The following PDZD2 variants were observed in gnomAD, a reference collection of about 807,000 sequenced individuals.
The protein encoded by PDZD2 is PDZ domain containing 2.
A neutral mutation model predicts 220.7 loss-of-function variants in PDZD2; 90 were observed. The ratio of observed to expected loss-of-function variants is 0.41; its 90% CI spans 0.34 to 0.49. PDZD2 has a LOEUF of 0.49. Ranked by LOEUF, PDZD2 falls within the 20% of genes least tolerant of loss-of-function variation. The pLI is 0.28. For synonymous variants in PDZD2, 1,375 were observed against 1,450.5 expected, an observed-to-expected ratio of 0.95 and a Z score of 1.18; for missense variants, 3,174 against 3,608.5, an observed-to-expected ratio of 0.88 and a Z score of 3.08.
At chr5:31,995,084 GC>G (rs1751522282) in intron 3 of PDZD2, among the ~76,000 whole-genome samples, 1 of 152,146 alleles carries the variant, frequency 6.6e-6, no homozygotes, top group Non-Finnish European at 1.5e-5. Flanking sequence ...TTAATTAGTA[GC>G]TGTGCAGAAG....
At chr5:32,056,024 A>G (rs1739054009) in intron 10 of PDZD2, among the ~76,000 whole-genome samples, 1 of 152,234 alleles carries the variant, frequency 6.6e-6, no homozygotes, top group African/African-American at 2.4e-5. Context: ...ATATGTGTTC[A>G]TTTACAAGAA....
chr5:31,799,162 C>T lies in PDZD2; in HGVS notation c.-87C>T. 1 of 822,608 alleles carries T rather than the reference C, an allele frequency of 1.2e-6. No individual in the cohort carries two copies. Among genetic ancestry groups the T allele is most frequent in the Non-Finnish European group, 1.9e-6 (1 of 520,876 alleles). The allele number at this position is 822,608 out of a possible 1,614,324, so 51.0% of individuals were successfully genotyped here. A position where few individuals can be genotyped will look rare whatever the true frequency, so the allele number is the denominator to read the frequency against. On this transcript the variant is annotated 5_prime_UTR_variant, in exon 2 of 25. The change creates a premature stop within an existing upstream ORF in the 5' untranslated region. Transcript: ENST00000438447. ...GAACACAGGCAAAGCTGATGATGGC[C>T]AGGGACCCCAGGGGACGTGGGGCCC...
chr5:31,731,158 G>A (rs1749515266), intron 1 of PDZD2, among the ~76,000 whole-genome samples: 1 of 152,070 alleles, frequency 6.6e-6, no homozygotes, highest in Non-Finnish European at 1.5e-5. Context: ...CAGGGTGTCT[G>A]GTATTTTTGT....
intron 24 of PDZD2, chr5:32,103,854 A>G (rs986656991): frequency 1.3e-5 from 2 of 152,352 alleles, no homozygotes; most frequent in African/African-American, 4.8e-5. Context: ...AGGAGAGATG[A>G]CATCCTTCAG....
At chr5:32,055,258 G>A (rs536924811) in intron 10 of PDZD2, among the ~76,000 whole-genome samples, 5 of 152,248 alleles carry the variant, frequency 3.3e-5, no homozygotes, top group South Asian at 4.1e-4. Flanking sequence ...CTGGAGTGCA[G>A]TGGTGTGATC....
chr5:31,895,991 G>A (rs1302212368), intron 2 of PDZD2, among the ~76,000 whole-genome samples: 1 of 152,090 alleles, frequency 6.6e-6, no homozygotes, highest in African/African-American at 2.4e-5. Context: ...ATGCAATAGC[G>A]ATTTGTTCCA....
chr5:31,745,136 A>G (rs1482148114), intron 1 of PDZD2, among the ~76,000 whole-genome samples: 1 of 152,160 alleles, frequency 6.6e-6, no homozygotes, highest in Non-Finnish European at 1.5e-5. Context: ...TGAGATACCC[A>G]CTGCCTTCTC....
chr5:31,778,582 C>G (rs534153719), intron 1 of PDZD2, among the ~76,000 whole-genome samples: 28 of 152,242 alleles, frequency 1.8e-4, no homozygotes, highest in African/African-American at 6.3e-4. Context: ...ACTCCTGAAG[C>G]CAGCGAGACC....
chr5:31,864,529 T>G (rs1025553373), intron 2 of PDZD2, among the ~76,000 whole-genome samples: 1 of 152,230 alleles, frequency 6.6e-6, no homozygotes, highest in Non-Finnish European at 1.5e-5. Flanking sequence ...CATCCTTTTT[T>G]TTTTTTGGAG....
Position 31,825,939 on chromosome 5 carries a change from C to CT in PDZD2, c.476+26226dup, listed in dbSNP as rs11338976. 3.3e-5 allele frequency among the ~76,000 whole-genome samples: 5 copies of CT among 150,242 alleles called. No homozygotes were observed. The South Asian group carries it at 6.4e-4, about 19-fold the overall frequency. Reference sequence around the variant, plus strand: ...TAACAGGTGTCAAGCAAAAGGAAAGCTTTTTTTTTTTCCTCTTTTAATGAA... The same window carrying CT: ...TAACAGGTGTCAAGCAAAAGGAAAGCTTTTTTTTTTTTCCTCTTTTAATGAA... On this transcript the variant is annotated intron_variant, in intron 2 of 24. Coordinates refer to ENST00000438447, the MANE Select transcript of PDZD2 (RefSeq NM_178140.4).
Position 32,057,864 on chromosome 5 carries a change from C to G in PDZD2, c.1975-14C>G, listed in dbSNP as rs374281223. The G allele has an allele frequency of 1.0e-4, 159 of 1,591,694 alleles. No homozygotes were observed. The highest frequency in any genetic ancestry group is 1.3e-4 in the Non-Finnish European group (148 of 1,160,342). On this transcript the variant is annotated splice_polypyrimidine_tract_variant and intron_variant, in intron 11 of 24. Transcript: ENST00000438447. ...CCAAATGTTTCAGCCCACCTTTCCT[C>G]ACTGTTTTCTCAGCAAATCCGGAGT... is the stretch of plus-strand genomic sequence containing the variant.
chr5:32,038,958 C>CA (rs779389934), intron 7 of PDZD2, among the ~76,000 whole-genome samples: 1 of 152,212 alleles, frequency 6.6e-6, no homozygotes, highest in Non-Finnish European at 1.5e-5. Flanking sequence ...AGTACGTTAA[C>CA]GTTCAAAAAA....
intron 2 of PDZD2, among the ~76,000 whole-genome samples, chr5:31,820,829 A>C (rs1755794259): frequency 6.6e-6 from 1 of 152,188 alleles, no homozygotes; most frequent in Non-Finnish European, 1.5e-5. Context: ...ATTATAATTT[A>C]AATTTATGTT....
At chr5:31,790,177 G>C (rs143015816) in intron 1 of PDZD2, among the ~76,000 whole-genome samples, 1 of 151,616 alleles carries the variant, frequency 6.6e-6, no homozygotes, top group Non-Finnish European at 1.5e-5. Context: ...GTGCAATCTC[G>C]GCTCACTGCA....
Position 32,087,932 on chromosome 5 carries a change from C to T in PDZD2, c.4484C>T (p.Pro1495Leu), listed in dbSNP as rs1167948668. ...TGGGCTGCTGGTGCCCCCGCCTACC[C>T]ACAATGGGCCTCCCAGCCTTCGGTT... ...RAWAAGAPAY[P>L]QWASQPSVLD... Residue 1495 changes from proline to leucine, a missense_variant, in exon 20 of 25, where the codon CCA becomes CTA. Pro to Leu is a moderately conservative substitution (Grantham distance 98, BLOSUM62 -3). Around this residue, in one of 4 missense-constraint regions of PDZD2, gnomAD observed 1,861 missense variants for 2,001.0 expected, o/e 0.93. Coordinates refer to ENST00000438447, the MANE Select transcript of PDZD2 (RefSeq NM_178140.4). This position sits in a 1 kb window ranked among gnomAD's most constrained non-coding sequence, Gnocchi z 4.0. The T allele has an allele frequency of 6.2e-7, 1 of 1,613,898 alleles. No individual in the cohort carries two copies.
chr5:31,734,183 G>A (rs1015246819), intron 1 of PDZD2, among the ~76,000 whole-genome samples: 10 of 152,250 alleles, frequency 6.6e-5, no homozygotes, highest in Admixed American at 3.9e-4. Context: ...GCCAGATGAA[G>A]AGATGCATAG....
At chr5:31,892,566 T>G (rs1486931251) in intron 2 of PDZD2, among the ~76,000 whole-genome samples, 1 of 152,054 alleles carries the variant, frequency 6.6e-6, no homozygotes, top group East Asian at 1.9e-4. Context: ...GGGCCTAGTT[T>G]CTTTTGTGGC....
intron 14 of PDZD2, among the ~76,000 whole-genome samples, chr5:32,065,367 G>A (rs1740121045): frequency 6.6e-6 from 1 of 152,190 alleles, no homozygotes; most frequent in Admixed American, 6.5e-5. Flanking sequence ...ATTCCTTGTA[G>A]TGTTGCTTAA....
intron 6 of PDZD2, among the ~76,000 whole-genome samples, chr5:32,031,094 C>A (rs1419721875): frequency 3.3e-5 from 5 of 152,152 alleles, no homozygotes. Context: ...GCCTGGAATT[C>A]CACTCTCTTC....
Sources: gnomAD v4.1 joint callset for allele counts (sites outside exome capture counted in the v4.1 genomes callset) on GRCh38, gnomAD v4.1.1 for gene constraint, gnomAD v4.1.1 regional missense constraint, Gnocchi (gnomAD v3.1) non-coding constraint, MANE v1.5 for transcripts, NCBI Gene and HGNC (gene_info 2026-07-23, HGNC 2026-07-21) for gene names.